The following ASTN2 variants were observed in gnomAD, a reference collection of about 807,000 sequenced individuals.
ASTN2 encodes the protein astrotactin-2.
A neutral mutation model predicts 139.8 loss-of-function variants in ASTN2; 54 were observed. That is an observed-to-expected ratio of 0.39 (90% CI 0.31 to 0.48). The LOEUF (loss-of-function observed/expected upper bound fraction) is 0.48, where lower values mean the gene tolerates loss of function less well. Among genes scored for constraint, ASTN2 ranks in the 20% least tolerant of loss-of-function variants. ASTN2 has a pLI of 0.95. For synonymous variants in ASTN2, 756 were observed against 719.5 expected (o/e 1.05, Z -0.81); for missense variants, 1,565 against 1,725.1 (o/e 0.91, Z 1.64).
At chr9:116,736,492 T>A (rs943633217) in intron 13 of ASTN2, among the ~76,000 whole-genome samples, 1 of 152,096 alleles carries the variant, frequency 6.6e-6, no homozygotes, top group Non-Finnish European at 1.5e-5. Flanking sequence ...ACTGTCAGTG[T>A]TGGAAGGGCC....
intron 20 of ASTN2, among the ~76,000 whole-genome samples, chr9:116,450,483 C>T (rs1355645937): frequency 2.0e-5 from 3 of 152,172 alleles, no homozygotes; most frequent in African/African-American, 7.2e-5. Context: ...AACTGCAGGT[C>T]TAATGCCTCC....
chr9:117,288,021 T>C (rs1407869549), intron 2 of ASTN2, among the ~76,000 whole-genome samples: 1 of 152,216 alleles, frequency 6.6e-6, no homozygotes, highest in Non-Finnish European at 1.5e-5. Flanking sequence ...AAGCAGGAAG[T>C]AGAAGAGACT....
chr9:117,072,205 A>G (rs927620491), intron 5 of ASTN2, among the ~76,000 whole-genome samples: 2 of 152,136 alleles, frequency 1.3e-5, no homozygotes, highest in Non-Finnish European at 2.9e-5. Flanking sequence ...GTAATAAATT[A>G]TTCTATCGTT....
intron 6 of ASTN2, among the ~76,000 whole-genome samples, chr9:117,029,779 CCTT>C: frequency 6.6e-6 from 1 of 152,120 alleles, no homozygotes; most frequent in African/African-American, 2.4e-5. Context: ...TATCTATCTT[CCTT>C]CTTCTAGCCA....
chr9:116,561,111 A>T (rs62574424), intron 19 of ASTN2, among the ~76,000 whole-genome samples: 24,102 of 152,002 alleles, frequency 0.16, 2,074 homozygotes, highest in African/African-American at 0.21. Flanking sequence ...AGAGAGAGAG[A>T]GTGTGTCCCT....
At chr9:117,174,331 C>G (rs1339796083) in intron 3 of ASTN2, among the ~76,000 whole-genome samples, 1 of 151,782 alleles carries the variant, frequency 6.6e-6, no homozygotes, top group Non-Finnish European at 1.5e-5. Flanking sequence ...ATAAGTGAGT[C>G]TCAGGAAAAT....
At chr9:116,478,880 T>A (rs984444038) in intron 20 of ASTN2, among the ~76,000 whole-genome samples, 1 of 150,346 alleles carries the variant, frequency 6.7e-6, no homozygotes, top group South Asian at 2.1e-4. Flanking sequence ...TAGTCCCAGC[T>A]ACTCAGGGGG....
At chr9:117,382,806 G>A (rs796573146) in intron 1 of ASTN2, among the ~76,000 whole-genome samples, 8 of 152,288 alleles carry the variant, frequency 5.3e-5, no homozygotes, top group Admixed American at 3.3e-4. Flanking sequence ...CCTGCTGTAC[G>A]AGTTCAAAGG....
chr9:116,823,017 C>A (rs143300562), intron 11 of ASTN2, among the ~76,000 whole-genome samples: 1 of 152,142 alleles, frequency 6.6e-6, no homozygotes, highest in African/African-American at 2.4e-5. Flanking sequence ...ACAAACCGAT[C>A]GATGCTGAGG....
chr9:116,646,359 C>G (rs906006836), intron 17 of ASTN2, among the ~76,000 whole-genome samples: 2 of 152,096 alleles, frequency 1.3e-5, no homozygotes, highest in African/African-American at 4.8e-5. Context: ...CCAGGCCCCT[C>G]AACTATAGGT....
chr9:116,952,672 T>G (rs1469662632), intron 10 of ASTN2, among the ~76,000 whole-genome samples: 1 of 152,160 alleles, frequency 6.6e-6, no homozygotes, highest in Non-Finnish European at 1.5e-5. Flanking sequence ...AATGATCAAT[T>G]TGCTCCATCA....
chr9:117,069,333 T>A, intron 5 of ASTN2, among the ~76,000 whole-genome samples: 2 of 111,992 alleles, frequency 1.8e-5, no homozygotes. Context: ...GTGAGATTCT[T>A]AATCCTGAGT....
intron 13 of ASTN2, among the ~76,000 whole-genome samples, chr9:116,773,676 C>T (rs1016964444): frequency 2.0e-5 from 3 of 147,304 alleles, no homozygotes; most frequent in African/African-American, 7.7e-5. Flanking sequence ...ATGTTCCCAT[C>T]TTCCCTTGCA....
intron 6 of ASTN2, among the ~76,000 whole-genome samples, chr9:117,037,948 T>C (rs932937560): frequency 1.3e-5 from 2 of 152,212 alleles, no homozygotes; most frequent in African/African-American, 4.8e-5. Flanking sequence ...ACTTGTCTTA[T>C]GTGCACATAT....
intron 17 of ASTN2, among the ~76,000 whole-genome samples, chr9:116,641,061 A>C (rs1841400148): frequency 6.6e-6 from 1 of 152,180 alleles, no homozygotes; most frequent in East Asian, 1.9e-4. Flanking sequence ...GTCAGAAGAA[A>C]GGGAGGCAAT....
intron 10 of ASTN2, among the ~76,000 whole-genome samples, chr9:116,944,259 T>A (rs1003354698): frequency 1.5e-5 from 1 of 66,720 alleles, no homozygotes; most frequent in South Asian, 3.7e-4. Flanking sequence ...TTAACCTCCA[T>A]GTGATGGAGA....
chr9:117,109,027 G>A (rs1292761719), intron 4 of ASTN2, among the ~76,000 whole-genome samples: 1 of 152,144 alleles, frequency 6.6e-6, no homozygotes, highest in East Asian at 1.9e-4. Context: ...ACTCACGGCT[G>A]TAATCCTAGC....
chr9:116,888,419 A>G (rs1410375974), intron 10 of ASTN2, among the ~76,000 whole-genome samples: 1 of 151,286 alleles, frequency 6.6e-6, no homozygotes, highest in African/African-American at 2.4e-5. Flanking sequence ...ATGCTCAATA[A>G]ATATTCTCAT....
intron 11 of ASTN2, among the ~76,000 whole-genome samples, chr9:116,831,033 TC>T (rs1831799099): frequency 6.6e-6 from 1 of 152,100 alleles, no homozygotes; most frequent in African/African-American, 2.4e-5. Flanking sequence ...TGAAATCATG[TC>T]TTTTGCAGCA....
Sources: gnomAD v4.1 joint callset for allele counts (sites outside exome capture counted in the v4.1 genomes callset) on GRCh38, gnomAD v4.1.1 for gene constraint, MANE v1.5 for transcripts, NCBI Gene and HGNC (gene_info 2026-07-23, HGNC 2026-07-21) for gene names.